The following TTC3 variants were observed in gnomAD, a reference collection of about 807,000 sequenced individuals.
TTC3 encodes tetratricopeptide repeat domain 3, also known as E3 ubiquitin-protein ligase TTC3.
TTC3 carries 180 observed loss-of-function variants against 249.6 expected under a neutral mutation model. That is an observed-to-expected ratio of 0.72 (90% CI 0.64 to 0.82). The LOEUF (loss-of-function observed/expected upper bound fraction) is 0.82. Among genes scored for constraint, TTC3 ranks in the 40% least tolerant of loss-of-function variants. TTC3 has a pLI of 0.00. For synonymous variants in TTC3, 717 were observed against 805.0 expected, an observed-to-expected ratio of 0.89 and a Z score of 1.85; for missense variants, 2,061 against 2,398.4, an observed-to-expected ratio of 0.86 and a Z score of 2.94.
intron 27 of TTC3, 72 bp downstream of exon 27, chr21:37,153,349 A>AT: frequency 1.5e-6 from 2 of 1,355,420 alleles, no homozygotes; most frequent in Non-Finnish European, 2.0e-6. Context: ...AGTCATTTTC[A>AT]TTTTCCTGCC....
At chr21:37,161,131 A>C (rs913924474) in intron 30 of TTC3, among the ~76,000 whole-genome samples, 3 of 151,920 alleles carry the variant, frequency 2.0e-5, no homozygotes, top group Admixed American at 1.3e-4. Context: ...ATAATGTCCC[A>C]AAAAATAAAT....
intron 7 of TTC3, chr21:37,091,675 G>C (rs1207588422): frequency 6.3e-6 from 1 of 158,664 alleles, no homozygotes; most frequent in Non-Finnish European, 1.4e-5. Flanking sequence ...TCCGCCTCCC[G>C]GGTTCACACC....
intron 24 of TTC3, among the ~76,000 whole-genome samples, 198 bp from the exon 25 acceptor site, chr21:37,150,622 G>A (rs532271075): frequency 1.3e-5 from 2 of 152,250 alleles, no homozygotes; most frequent in East Asian, 1.9e-4. Context: ...TTTTCCTCAA[G>A]TGTGTCTACC....
intron 10 of TTC3, among the ~76,000 whole-genome samples, chr21:37,103,238 T>TG (rs536275067): frequency 3.7e-4 from 57 of 152,122 alleles, no homozygotes; most frequent in Non-Finnish European, 7.2e-4. Flanking sequence ...TATGCAGTAA[T>TG]GGGGAGGGGC....
intron 1 of TTC3, among the ~76,000 whole-genome samples, chr21:37,079,633 G>A (rs2071367567): frequency 6.9e-6 from 1 of 145,682 alleles, no homozygotes; most frequent in African/African-American, 2.6e-5. Flanking sequence ...CTGAGTTCAA[G>A]CGATTCTCCT....
rs777781448 is a variant in TTC3 at position 37,167,555 on chromosome 21, G to A, written c.4402G>A (p.Val1468Ile). 2.5e-6 allele frequency: 4 copies of A among 1,606,240 alleles called. No individual in the cohort carries two copies. In the African/African-American group the frequency reaches 4.0e-5, roughly 16 times the overall value. Residue 1468 changes from valine to isoleucine, a missense_variant and splice_region_variant, in exon 34 of 46, where the codon GTA becomes ATA. By Grantham distance (29) the Val-to-Ile change is conservative. This residue lies in a region of TTC3 where 1,040 missense variants were observed against 1,186.1 expected (regional missense o/e 0.88). Coordinates refer to ENST00000355666, the Ensembl canonical transcript of TTC3. ...ATTTTATTTTTTGTTTTGCCCACAG[G>A]TATCTTGGAACATAATACACCAAGA...
intron 9 of TTC3, among the ~76,000 whole-genome samples, chr21:37,096,306 C>G (rs1403605080): frequency 1.3e-5 from 2 of 152,278 alleles, no homozygotes; most frequent in East Asian, 3.9e-4. Flanking sequence ...TAATATGTCT[C>G]GTTTGATCCC....
intron 17 of TTC3, among the ~76,000 whole-genome samples, chr21:37,134,782 T>C (rs2077781885): frequency 6.6e-6 from 1 of 152,220 alleles, no homozygotes; most frequent in Admixed American, 6.5e-5. Context: ...ATGATAGCAA[T>C]TTTGTTTTTA....
intron 37 of TTC3, among the ~76,000 whole-genome samples, chr21:37,186,517 C>CT (rs1316066796): frequency 6.6e-6 from 1 of 152,200 alleles, no homozygotes; most frequent in Non-Finnish European, 1.5e-5. Flanking sequence ...TCATTGCTCA[C>CT]TGCAGACACC....
chr21:37,117,339 T>C (rs528774157), intron 11 of TTC3, among the ~76,000 whole-genome samples: 128 of 152,258 alleles, frequency 8.4e-4, no homozygotes, highest in Non-Finnish European at 1.5e-3. Flanking sequence ...AAGGTGTCAT[T>C]GCAAATAAAA....
intron 30 of TTC3, 131 bp downstream of exon 30, chr21:37,160,989 G>C: frequency 2.3e-6 from 2 of 886,272 alleles, no homozygotes; most frequent in Non-Finnish European, 3.2e-6. Context: ...AGGACTTAAA[G>C]ATGTTTTGGC....
chr21:37,091,534 TA>T, intron 7 of TTC3, 121 bp downstream of exon 7: 1 of 515,164 alleles, frequency 1.9e-6, no homozygotes, highest in Non-Finnish European at 2.9e-6. Context: ...TTTATTTTGT[TA>T]TATATGGCTG....
intron 1 of TTC3, among the ~76,000 whole-genome samples, chr21:37,076,810 C>G (rs1308392016): frequency 7.1e-6 from 1 of 141,732 alleles, no homozygotes; most frequent in Non-Finnish European, 1.5e-5. Flanking sequence ...TCAAGTGATT[C>G]TCTTGCCTCA....
chr21:37,161,128 C>T (rs1052358798), intron 30 of TTC3, among the ~76,000 whole-genome samples: 3 of 150,546 alleles, frequency 2.0e-5, no homozygotes, highest in Non-Finnish European at 4.4e-5. Context: ...GTCATAATGT[C>T]CCAAAAAATA....
intron 1 of TTC3, among the ~76,000 whole-genome samples, chr21:37,077,707 G>A (rs1198083159): frequency 6.6e-6 from 1 of 152,128 alleles, no homozygotes; most frequent in Non-Finnish European, 1.5e-5. Flanking sequence ...TCTTTTGTAT[G>A]TTTATGAACT....
At chr21:37,097,936 A>T (rs1393170241) in intron 10 of TTC3, 2 of 713,474 alleles carry the variant, frequency 2.8e-6, no homozygotes, top group South Asian at 1.5e-5. Context: ...ATGGTAGAAA[A>T]TTTGGAAAAT....
exon 19 of TTC3, chr21:37,138,653 T>C: frequency 6.2e-7 from 1 of 1,612,150 alleles, no homozygotes; most frequent in Non-Finnish European, 8.5e-7. Context: ...CTGGCCATGA[T>C]TAACTATGTT....
At chr21:37,107,262 G>T (rs974521691) in intron 10 of TTC3, among the ~76,000 whole-genome samples, 1 of 152,120 alleles carries the variant, frequency 6.6e-6, no homozygotes, top group Non-Finnish European at 1.5e-5. Context: ...CAGTGAGTTG[G>T]GTACCCTGAG....
chr21:37,106,443 C>G (rs942934468), intron 10 of TTC3, among the ~76,000 whole-genome samples: 4 of 152,140 alleles, frequency 2.6e-5, no homozygotes, highest in East Asian at 1.9e-4. Flanking sequence ...CTGTGATAAG[C>G]TCTTTTTGTG....
Sources: gnomAD v4.1 joint callset for allele counts (sites outside exome capture counted in the v4.1 genomes callset) on GRCh38, gnomAD v4.1.1 for gene constraint, gnomAD v4.1.1 regional missense constraint, MANE v1.5 for transcripts, NCBI Gene and HGNC (gene_info 2026-07-23, HGNC 2026-07-21) for gene names.